PALM2AKAP2: variants seen among roughly 807,000 people sequenced by gnomAD.
PALM2AKAP2 encodes PALM2-AKAP2 fusion protein.
In PALM2AKAP2, 37 loss-of-function variants were observed where a neutral mutation model predicts 71.5. The observed-to-expected ratio is 0.52, with a 90% CI of 0.40 to 0.68. The LOEUF is 0.68. PALM2AKAP2 is among the 30% of genes least tolerant of loss of function. The pLI, the probability that PALM2AKAP2 is intolerant of heterozygous loss-of-function variation, is 0.00. For synonymous variants in PALM2AKAP2, 468 were observed against 478.8 expected (o/e 0.98, Z 0.29); for missense variants, 1,224 against 1,191.8 (o/e 1.03, Z -0.40).
chr9:110,113,010 A>G (rs1254122051), intron 1 of PALM2AKAP2, among the ~76,000 whole-genome samples: 1 of 152,168 alleles, frequency 6.6e-6, no homozygotes, highest in African/African-American at 2.4e-5. Context: ...TTCCTTCTCC[A>G]GTTTGACAGG....
chr9:109,983,011 AGAGG>A (rs1832304977), intron 6 of PALM2AKAP2, among the ~76,000 whole-genome samples: 4 of 152,194 alleles, frequency 2.6e-5, no homozygotes, highest in African/African-American at 7.2e-5. Flanking sequence ...TTAGTCTTGG[AGAGG>A]GAGCAACAAG....
intron 1 of PALM2AKAP2, among the ~76,000 whole-genome samples, chr9:109,704,745 G>A (rs1352784703): frequency 6.6e-6 from 1 of 152,136 alleles, no homozygotes; most frequent in Non-Finnish European, 1.5e-5. Context: ...CTGCCCCAAA[G>A]GATTTGAGAA....
At chr9:109,987,025 G>C (rs1832390832) in intron 6 of PALM2AKAP2, among the ~76,000 whole-genome samples, 1 of 152,158 alleles carries the variant, frequency 6.6e-6, no homozygotes, top group Non-Finnish European at 1.5e-5. Context: ...ATAAACTATT[G>C]CCATGACATT....
intron 3 of PALM2AKAP2, among the ~76,000 whole-genome samples, chr9:110,164,721 G>T (rs1460241856): frequency 6.6e-6 from 1 of 151,926 alleles, no homozygotes; most frequent in Non-Finnish European, 1.5e-5. Flanking sequence ...AGTAGAGACA[G>T]GTTTTCACTA....
upstream of PALM2AKAP2, chr9:110,048,555 T>TGGGGGGGGGA (rs1833641474): frequency 1.5e-6 from 1 of 659,380 alleles, no homozygotes; most frequent in African/African-American, 3.5e-5. Flanking sequence ...TGTGGGTAGA[T>TGGGGGGGGGA]GGGGAGGGGA....
chr9:109,913,719 C>T (rs958005906), intron 3 of PALM2AKAP2, among the ~76,000 whole-genome samples: 2 of 151,818 alleles, frequency 1.3e-5, no homozygotes, highest in Admixed American at 6.6e-5. Context: ...GGAACAGAGA[C>T]CCACAATAAC....
intron 1 of PALM2AKAP2, among the ~76,000 whole-genome samples, chr9:109,861,142 CCTATTTCTGCTTCTGA>C (rs1222344071): frequency 6.6e-6 from 1 of 152,126 alleles, no homozygotes; most frequent in African/African-American, 2.4e-5. Context: ...AAGGAAACAC[CCTATTTCTGCTTCTGA>C]CTACCTTCCC....
chr9:109,677,781 C>T (rs2118508086), intron 1 of PALM2AKAP2, among the ~76,000 whole-genome samples: 1 of 152,198 alleles, frequency 6.6e-6, no homozygotes, highest in East Asian at 1.9e-4. Context: ...CTGAAATCAT[C>T]AACATCCATC....
chr9:110,037,778 G>T (rs1315238082), intron 7 of PALM2AKAP2, among the ~76,000 whole-genome samples: 2 of 152,220 alleles, frequency 1.3e-5, no homozygotes, highest in Non-Finnish European at 2.9e-5. Flanking sequence ...AGCAGGTTTT[G>T]AGAGGAAATT....
intron 3 of PALM2AKAP2, among the ~76,000 whole-genome samples, chr9:109,886,075 A>G (rs1829957536): frequency 6.6e-6 from 1 of 152,226 alleles, no homozygotes; most frequent in African/African-American, 2.4e-5. Flanking sequence ...AATAGGCTAA[A>G]TAAGATTGGA....
chr9:110,086,693 CCAT>C (rs1834582000), intron 1 of PALM2AKAP2, among the ~76,000 whole-genome samples: 1 of 152,206 alleles, frequency 6.6e-6, no homozygotes, highest in African/African-American at 2.4e-5. Flanking sequence ...CCAGTTGGCA[CCAT>C]CAGGTTTCTG....
At chr9:110,088,703 G>GTTTTGTTTTTTTTTTTT (rs1834628901) in intron 1 of PALM2AKAP2, among the ~76,000 whole-genome samples, 3 of 75,574 alleles carry the variant, frequency 4.0e-5, no homozygotes, top group Non-Finnish European at 5.5e-5. Context: ...GCATTTACGT[G>GTTTTGTTTTTTTTTTTT]TTTTTTTTTT....
At chr9:109,774,750 T>C (rs2118774459) in intron 1 of PALM2AKAP2, among the ~76,000 whole-genome samples, 1 of 152,182 alleles carries the variant, frequency 6.6e-6, no homozygotes, top group East Asian at 1.9e-4. Flanking sequence ...GAAGCAATGA[T>C]TGGGTTGAGT....
chr9:110,167,398 G>A (rs1470585050), intron 3 of PALM2AKAP2, among the ~76,000 whole-genome samples: 1 of 152,202 alleles, frequency 6.6e-6, no homozygotes, highest in Non-Finnish European at 1.5e-5. Flanking sequence ...AAGAATGCCT[G>A]GACTTGTTTT....
intron 1 of PALM2AKAP2, among the ~76,000 whole-genome samples, chr9:109,759,911 T>C (rs991722140): frequency 2.0e-5 from 3 of 152,178 alleles, no homozygotes; most frequent in African/African-American, 7.2e-5. Flanking sequence ...GTGGTGTAAT[T>C]TATATATGGC....
At chr9:109,931,323 G>A (rs1035873637) in intron 5 of PALM2AKAP2, among the ~76,000 whole-genome samples, 1 of 152,162 alleles carries the variant, frequency 6.6e-6, no homozygotes, top group African/African-American at 2.4e-5. Flanking sequence ...AAGGGGTATT[G>A]TCATTTAGAA....
chr9:110,148,237 T>A (rs1836226425), intron 2 of PALM2AKAP2, among the ~76,000 whole-genome samples: 1 of 152,196 alleles, frequency 6.6e-6, no homozygotes, highest in Admixed American at 6.5e-5. Context: ...AGCAGAGTTC[T>A]TTCTTTCCTT....
At chr9:109,968,010 C>A (rs1019769825) in intron 6 of PALM2AKAP2, among the ~76,000 whole-genome samples, 6 of 152,152 alleles carry the variant, frequency 3.9e-5, no homozygotes, top group Non-Finnish European at 8.8e-5. Context: ...CTGGTGTCTA[C>A]CACAGTGCTT....
rs767804428 is a variant in PALM2AKAP2 at position 109,880,696 on chromosome 9, G to T, written c.257+15G>T. On this transcript the variant is annotated intron_variant, in intron 3 of 9. Transcript: ENST00000302798. ...AACATTCAGAGGTAGGTGGCTTCCA[G>T]CCCAGGGAACCCATGCTACAGTTTT... 1 of 1,612,998 alleles carries T rather than the reference G, an allele frequency of 6.2e-7. No homozygotes were observed.
Sources: allele counts gnomAD v4.1 joint callset (sites outside exome capture counted in the v4.1 genomes callset), GRCh38; gene constraint gnomAD v4.1.1; transcripts MANE v1.5; gene names NCBI Gene and HGNC (gene_info 2026-07-23, HGNC 2026-07-21).